Variants in PCDHGB2 observed in about 807,000 individuals in gnomAD.
PCDHGB2 encodes the protein protocadherin gamma subfamily B, 2, also known as protocadherin gamma-B2.
A neutral mutation model predicts 59.3 loss-of-function variants in PCDHGB2; 55 were observed. That is an observed-to-expected ratio of 0.93 (90% confidence interval 0.75 to 1.16). The LOEUF is 1.16. PCDHGB2 is among the 50% of genes most tolerant of loss of function. The pLI, the probability that PCDHGB2 is intolerant of heterozygous loss-of-function variation, is 0.00. For synonymous variants in PCDHGB2, 516 were observed against 512.0 expected (o/e 1.01, Z -0.11); for missense variants, 1,228 against 1,198.5 (o/e 1.02, Z -0.36).
At chr5:141,373,523 C>T (rs2150024723) in intron 1 of PCDHGB2, among the ~76,000 whole-genome samples, 1 of 152,052 alleles carries the variant, frequency 6.6e-6, no homozygotes, top group African/African-American at 2.4e-5. Flanking sequence ...ACTTTGTCTC[C>T]AAAAAAGTGT....
Position 141,487,289 on chromosome 5 carries a change from G to A in PCDHGB2, c.2422-7518G>A. The A allele has an allele frequency of 1.2e-6, 2 of 1,614,096 alleles. No individual in the cohort carries two copies. The highest frequency in any genetic ancestry group is 1.7e-6 in the Non-Finnish European group (2 of 1,180,024). On this transcript the variant is annotated intron_variant, in intron 1 of 3. Coordinates refer to ENST00000522605, the MANE Select transcript of PCDHGB2 (RefSeq NM_018923.3). The surrounding 1 kb of genome is among the most constrained non-coding windows in gnomAD (Gnocchi z 5.0). ...AGTGGCAATTTGCTTTGTCTCCTTTGGCTCATTCGTGGCACTACTCTCTAA... is the reference window on the plus strand; with the variant it reads ...AGTGGCAATTTGCTTTGTCTCCTTTAGCTCATTCGTGGCACTACTCTCTAA...
intron 1 of PCDHGB2, among the ~76,000 whole-genome samples, chr5:141,475,778 T>C (rs1204790631): frequency 2.0e-5 from 3 of 152,282 alleles, no homozygotes; most frequent in Non-Finnish European, 4.4e-5. Flanking sequence ...GCGCTTTGGC[T>C]GGAAACTCTG....
At chr5:141,364,327 G>A (rs1433768344) in intron 1 of PCDHGB2, 9 of 1,529,608 alleles carry the variant, frequency 5.9e-6, no homozygotes, top group South Asian at 1.3e-5. Context: ...GCAGAGAGAA[G>A]GCAATGGCGA....
chr5:141,421,468 C>A (rs759548375), intron 1 of PCDHGB2: 9 of 1,614,096 alleles, frequency 5.6e-6, no homozygotes, highest in Non-Finnish European at 5.9e-6. Flanking sequence ...TGTGAATCCG[C>A]GAAGCGGCAG....
intron 2 of PCDHGB2, among the ~76,000 whole-genome samples, chr5:141,497,602 C>T (rs948023459): frequency 2.0e-5 from 3 of 148,260 alleles, no homozygotes; most frequent in East Asian, 2.0e-4. Flanking sequence ...TGCAGTGGTG[C>T]GATCTTGGCT....
intron 1 of PCDHGB2, chr5:141,430,960 C>T (rs2097330619): frequency 6.2e-7 from 1 of 1,612,432 alleles, no homozygotes; most frequent in Non-Finnish European, 8.5e-7. Context: ...TCCGCATCAT[C>T]CCCAGAGGTA....
rs1434955829 is a variant in PCDHGB2, at chr5:141,431,361, A to G, written c.2422-63446A>G. 3 of 1,614,002 alleles carry G rather than the reference A, an allele frequency of 1.9e-6. No homozygotes were observed. The highest frequency in any genetic ancestry group is 2.5e-6 in the Non-Finnish European group (3 of 1,180,034). On this transcript the variant is annotated intron_variant, in intron 1 of 3. Transcript: ENST00000522605. The surrounding 1 kb of genome is among the most constrained non-coding windows in gnomAD (Gnocchi z 4.8). ...GAATTGGTGCTGAAACGCGCCCTGG[A>G]CCGCGAAGAAAAGGCTGCTCACCAC...
intron 1 of PCDHGB2, chr5:141,427,862 C>T (rs748112227): frequency 2.6e-6 from 4 of 1,556,778 alleles, no homozygotes; most frequent in East Asian, 4.5e-5. Context: ...TGTGCGCCTT[C>T]GAGCTCACGA....
chr5:141,413,747 A>G (rs1208637349), intron 1 of PCDHGB2: 7 of 1,613,230 alleles, frequency 4.3e-6, no homozygotes, highest in African/African-American at 4.0e-5. Flanking sequence ...AGCCGTGCCA[A>G]TGGCGTCAAG....
In PCDHGB2 at chr5:141,362,509, A is replaced by G; in HGVS notation, c.2374A>G (p.Asn792Asp). Residue 792 changes from asparagine (N) to aspartate (D), a missense_variant, in exon 1 of 4, where the codon AAT becomes GAT. By Grantham distance (23) the Asn-to-Asp change is conservative. Around this residue, in one of 3 missense-constraint regions of PCDHGB2, gnomAD observed 433 missense variants for 441.8 expected, o/e 0.98. Coordinates refer to ENST00000522605, the MANE Select transcript of PCDHGB2 (RefSeq NM_018923.3). ...CDNASWEQNT[N>D]HGAAGVPFAS... is the part of the protein sequence containing the mutation. ...CAATGCCTCTTGGGAACAAAATACA[A>G]ATCATGGAGCCGCTGGGGTCCCTTT... is the stretch of plus-strand genomic sequence containing the variant. The G allele has an allele frequency of 6.2e-7, 1 of 1,614,038 alleles. No homozygotes were observed. Among genetic ancestry groups the G allele is most frequent in the African/African-American group, 1.3e-5 (1 of 75,060 alleles).
chr5:141,410,087 G>A (rs1427716409), intron 1 of PCDHGB2: 1 of 1,612,482 alleles, frequency 6.2e-7, no homozygotes, highest in African/African-American at 1.3e-5. Flanking sequence ...GGTGCGCACG[G>A]CTCGAGCCTT....
At chr5:141,405,907 T>C (rs1471568204) in intron 1 of PCDHGB2, among the ~76,000 whole-genome samples, 2 of 152,218 alleles carry the variant, frequency 1.3e-5, no homozygotes, top group Non-Finnish European at 2.9e-5. Context: ...AGGAGGCATT[T>C]ATTAGTTATA....
At chr5:141,444,492 T>C (rs1052885639) in intron 1 of PCDHGB2, among the ~76,000 whole-genome samples, 1 of 152,122 alleles carries the variant, frequency 6.6e-6, no homozygotes, top group East Asian at 1.9e-4. Context: ...TTATATTGTG[T>C]AATACTTTGC....
At chr5:141,397,920 T>C (rs2093586320) in intron 1 of PCDHGB2, 1 of 726,984 alleles carries the variant, frequency 1.4e-6, no homozygotes, top group Non-Finnish European at 2.2e-6. Context: ...CCAGATCTCC[T>C]CGCGCAGCCG....
chr5:141,445,890 T>C (rs1435563284), intron 1 of PCDHGB2, among the ~76,000 whole-genome samples: 1 of 152,210 alleles, frequency 6.6e-6, no homozygotes, highest in Non-Finnish European at 1.5e-5. Context: ...ACTTAGGAGC[T>C]ATTAAAATAT....
chr5:141,376,217 C>T (rs1387510502), intron 1 of PCDHGB2: 1 of 1,614,210 alleles, frequency 6.2e-7, no homozygotes, highest in Non-Finnish European at 8.5e-7. Flanking sequence ...CATCGTGCTG[C>T]TGGCGCTCAG....
chr5:141,360,147 C>A lies in PCDHGB2; in HGVS notation c.12C>A (p.Ser4Arg). The A allele has an allele frequency of 6.2e-7, 1 of 1,601,092 alleles. No homozygotes were observed. The highest frequency in any genetic ancestry group is 8.5e-7 in the Non-Finnish European group (1 of 1,172,836). Residue 4 changes from serine to arginine, a missense_variant, in exon 1 of 4, where the codon AGC becomes AGA. Coordinates refer to ENST00000522605, the MANE Select transcript of PCDHGB2 (RefSeq NM_018923.3). ...AAGGGAGCCAGAAGATGAAAGCGAG[C>A]TCAGGGAGGTGCGGGCTGGTGCGGT... MKA[S>R]SGRCGLVRWL...
chr5:141,412,131 G>A (rs2095537626), intron 1 of PCDHGB2: 1 of 152,156 alleles, frequency 6.6e-6, no homozygotes, highest in Non-Finnish European at 1.5e-5. Flanking sequence ...CTGGACTTTG[G>A]CCTCTGATAC....
chr5:141,389,410 GCGGGGTGGTGTTCGCGCAGCGCGC>G, intron 1 of PCDHGB2: 1 of 1,613,600 alleles, frequency 6.2e-7, no homozygotes, highest in Non-Finnish European at 8.5e-7. Context: ...AGCGCGGAGA[GCGGGGTGGTGTTCGCGCAGCGCGC>G]CTTCGACCAC....
Sources: allele counts gnomAD v4.1 joint callset (sites outside exome capture counted in the v4.1 genomes callset), GRCh38; gene constraint gnomAD v4.1.1; regional missense constraint gnomAD v4.1.1; non-coding constraint Gnocchi (gnomAD v3.1); transcripts MANE v1.5; gene names NCBI Gene and HGNC (gene_info 2026-07-23, HGNC 2026-07-21).